Variants in BCHE observed in about 807,000 individuals in gnomAD.
The protein encoded by BCHE is cholinesterase.
A neutral mutation model predicts 51.3 loss-of-function variants in BCHE; 48 were observed. The observed-to-expected ratio is 0.94, with a 90% confidence interval of 0.74 to 1.19. The LOEUF is 1.19. BCHE is among the 50% of genes most tolerant of loss of function. The probability of loss-of-function intolerance (pLI) is 0.00; values close to 1 mark genes in which losing one functional copy is unlikely to be tolerated. For synonymous variants in BCHE, 251 were observed against 238.0 expected (o/e 1.05, Z -0.50); for missense variants, 847 against 708.2 (o/e 1.20, Z -2.23).
At chr3:165,832,875 T>C (rs1715041738) in intron 1 of BCHE, among the ~76,000 whole-genome samples, 1 of 152,164 alleles carries the variant, frequency 6.6e-6, no homozygotes, top group South Asian at 2.1e-4. Flanking sequence ...GGGTATCATA[T>C]TTCAAATCAG....
At chr3:165,832,006 AT>A (rs1384519950) in intron 1 of BCHE, among the ~76,000 whole-genome samples, 1 of 152,178 alleles carries the variant, frequency 6.6e-6, no homozygotes, top group Non-Finnish European at 1.5e-5. Context: ...AATTATTTGC[AT>A]TTTTTATAAT....
chr3:165,821,356 G>A (rs1324962741), intron 2 of BCHE, among the ~76,000 whole-genome samples: 1 of 151,212 alleles, frequency 6.6e-6, no homozygotes, highest in East Asian at 1.9e-4. Context: ...GAATGAAGTA[G>A]CACGATTTCT....
chr3:165,813,176 T>C (rs1714171840), intron 2 of BCHE, among the ~76,000 whole-genome samples: 2 of 151,898 alleles, frequency 1.3e-5, no homozygotes, highest in African/African-American at 4.8e-5. Context: ...CTCTGAATCA[T>C]ACTATTAAAT....
At chr3:165,829,249 G>T (rs1370983602) in intron 2 of BCHE, among the ~76,000 whole-genome samples, 1 of 151,944 alleles carries the variant, frequency 6.6e-6, no homozygotes, top group Non-Finnish European at 1.5e-5. Flanking sequence ...AAAAACTTTG[G>T]CTAACATTGT....
In BCHE at chr3:165,805,141, G is replaced by T. The variant is rs371348995; in HGVS notation, c.1518-18830C>A. 2.1e-4 allele frequency among the ~76,000 whole-genome samples: 32 copies of T among 152,198 alleles called. No homozygotes were observed. In the East Asian group the frequency reaches 5.8e-3, roughly 28 times the overall value. On this transcript the variant is annotated intron_variant, in intron 2 of 3. Transcript: ENST00000264381. ...TAATCTAGTAGAATCTACTTTAAGA[G>T]AGTTTATTCTGTGGAAGAAGGAGGA...
intron 3 of BCHE, among the ~76,000 whole-genome samples, chr3:165,777,213 A>T (rs1712505764): frequency 6.6e-6 from 1 of 151,950 alleles, no homozygotes; most frequent in Non-Finnish European, 1.5e-5. Context: ...ATTATTTCTT[A>T]AATAAAAATA....
chr3:165,830,422 CT>C lies in BCHE; in HGVS notation c.611del (p.Gln204ArgfsTer7), dbSNP rs1553778198. ...AGGCTGCTATATTTTTTTGAACCCA[CT>C]GAAGAGCCAACTGTTGATCAAATAA... is the stretch of plus-strand genomic sequence containing the variant. ...MGLFDQQLAL[Q>X]WVQKNIAAFG... On this transcript the variant is annotated frameshift_variant, in exon 2 of 4. Transcript: ENST00000264381. LOFTEE classifies it high-confidence loss of function. 2 of 1,613,850 alleles carry C rather than the reference CT, an allele frequency of 1.2e-6. No individual in the cohort carries two copies. Among genetic ancestry groups the C allele is most frequent in the Non-Finnish European group, 8.5e-7 (1 of 1,179,898 alleles).
At chr3:165,826,515 G>A (rs909967109) in intron 2 of BCHE, among the ~76,000 whole-genome samples, 5 of 151,764 alleles carry the variant, frequency 3.3e-5, no homozygotes, top group Non-Finnish European at 5.9e-5. Flanking sequence ...CAAAGAGGTG[G>A]GGGGGGACTT....
Position 165,829,737 on chromosome 3 carries a change from A to G in BCHE, c.1297T>C (p.Phe433Leu). 1 of 1,613,802 alleles carries G rather than the reference A, an allele frequency of 6.2e-7. No individual in the cohort carries two copies. The highest frequency in any genetic ancestry group is 1.1e-5 in the South Asian group (1 of 91,066). ...CCCCATTCTGAGAACTTCTTGGTGAACTCCAAGGCAGGGCATATGAAATTA... is the reference window on the plus strand; with the variant it reads ...CCCCATTCTGAGAACTTCTTGGTGAGCTCCAAGGCAGGGCATATGAAATTA... ...DYNFICPALE[F>L]TKKFSEWGNN... The change falls in exon 2 of 4, where the codon TTC becomes CTC. Residue 433 changes from phenylalanine to leucine, a missense_variant. Coordinates refer to ENST00000264381, the MANE Select transcript of BCHE (RefSeq NM_000055.4).
intron 2 of BCHE, chr3:165,827,938 A>C (rs2108233171): frequency 2.4e-6 from 1 of 414,920 alleles, no homozygotes; most frequent in East Asian, 7.8e-5. Context: ...ATCTTTTACC[A>C]GCTCTCATTC....
intron 2 of BCHE, among the ~76,000 whole-genome samples, chr3:165,822,644 G>C (rs916777966): frequency 6.6e-6 from 1 of 152,054 alleles, no homozygotes; most frequent in Admixed American, 6.6e-5. Flanking sequence ...GGTTCTCTCT[G>C]AGATTTTACA....
Position 165,830,671 on chromosome 3 carries a change from T to G in BCHE, c.363A>C (p.Leu121Phe). The change falls in exon 2 of 4, where the codon TTA (leucine) becomes TTC (phenylalanine). Residue 121 changes from leucine (L) to phenylalanine (F), a missense_variant. By Grantham distance (22) the Leu-to-Phe change is conservative. Transcript: ENST00000264381. ...GTGCTGGAATCCATACATTTAGATA[T>G]AAACAGTCTTCACTGAGGTCAGTGT... is the stretch of plus-strand genomic sequence containing the variant. ...NPNTDLSEDC[L>F]YLNVWIPAPK... 6.2e-7 allele frequency: 1 copy of G among 1,614,056 alleles called. No individual in the cohort carries two copies. Among genetic ancestry groups the G allele is most frequent in the East Asian group, 2.2e-5 (1 of 44,876 alleles).
At chr3:165,798,404 A>G (rs1014107451) in intron 2 of BCHE, among the ~76,000 whole-genome samples, 1 of 152,128 alleles carries the variant, frequency 6.6e-6, no homozygotes, top group Non-Finnish European at 1.5e-5. Flanking sequence ...ACTTTAAAAA[A>G]CATTTATTAG....
chr3:165,804,068 A>AAT (rs397991557), intron 2 of BCHE, among the ~76,000 whole-genome samples: 2 of 151,202 alleles, frequency 1.3e-5, no homozygotes, highest in Non-Finnish European at 3.0e-5. Flanking sequence ...AAAAAAAAAA[A>AAT]CTCTGATGAT....
At chr3:165,809,756 C>T (rs1425925614) in intron 2 of BCHE, among the ~76,000 whole-genome samples, 1 of 152,048 alleles carries the variant, frequency 6.6e-6, no homozygotes, top group Non-Finnish European at 1.5e-5. Flanking sequence ...TGATAATGTA[C>T]ACAAATCCTC....
intron 2 of BCHE, among the ~76,000 whole-genome samples, chr3:165,808,349 T>A (rs1002754468): frequency 6.6e-6 from 1 of 152,078 alleles, no homozygotes. Flanking sequence ...TTAATTTATA[T>A]ATGCTGATGG....
At chr3:165,773,536 CA>C in intron 3 of BCHE, 30 bp from the exon 4 acceptor site, 1 of 1,579,738 alleles carries the variant, frequency 6.3e-7, no homozygotes, top group Non-Finnish European at 8.7e-7. Flanking sequence ...TTGTATTAAT[CA>C]AAATTTTTAT....
chr3:165,835,838 C>A (rs1715169348), intron 1 of BCHE, among the ~76,000 whole-genome samples: 1 of 151,878 alleles, frequency 6.6e-6, no homozygotes, highest in African/African-American at 2.4e-5. Context: ...TTTCTTGAGT[C>A]TTCTCTGAAA....
At chr3:165,783,043 A>G (rs1712768678) in intron 3 of BCHE, among the ~76,000 whole-genome samples, 1 of 152,088 alleles carries the variant, frequency 6.6e-6, no homozygotes, top group Non-Finnish European at 1.5e-5. Flanking sequence ...ATTAACCCAC[A>G]ATTGCTAGTG....
Sources: allele counts gnomAD v4.1 joint callset (sites outside exome capture counted in the v4.1 genomes callset), GRCh38; gene constraint gnomAD v4.1.1; transcripts MANE v1.5; gene names NCBI Gene and HGNC (gene_info 2026-07-23, HGNC 2026-07-21).